Variants in LNX1 observed in about 807,000 individuals in gnomAD.
LNX1 encodes ligand of numb-protein X 1, also known as E3 ubiquitin-protein ligase LNX.
LNX1 carries 54 observed loss-of-function variants against 68.4 expected under a neutral mutation model. The ratio of observed to expected loss-of-function variants is 0.79; its 90% confidence interval spans 0.63 to 0.99. LNX1 has a LOEUF of 0.99. LNX1 is among the 50% of genes least tolerant of loss of function. The pLI is 0.00. For synonymous variants in LNX1, 336 were observed against 350.0 expected (o/e 0.96, Z 0.45); for missense variants, 906 against 926.4 (o/e 0.98, Z 0.29).
At chr4:53,526,128 A>T (rs1275730781) in intron 2 of LNX1, among the ~76,000 whole-genome samples, 1 of 152,190 alleles carries the variant, frequency 6.6e-6, no homozygotes, top group Non-Finnish European at 1.5e-5. Flanking sequence ...TTAAAAAAAG[A>T]TAACATACGC....
chr4:53,574,181 G>T, intron 1 of LNX1, 93 bp from the exon 2 acceptor site: 1 of 970,068 alleles, frequency 1.0e-6, no homozygotes, highest in Non-Finnish European at 1.5e-6. Context: ...AATGCATGGG[G>T]AATTGAGCTA....
At chr4:53,652,205 G>A (rs1160368588) in exon 1 of LNX1, 2 of 152,176 alleles carry the variant, frequency 1.3e-5, no homozygotes, top group African/African-American at 2.4e-5. Context: ...GCTGTGTGAC[G>A]TCTCAGGAGA....
chr4:53,491,271 G>GAGAA (rs1491216049), intron 6 of LNX1, among the ~76,000 whole-genome samples: 2 of 114,824 alleles, frequency 1.7e-5, no homozygotes, highest in Non-Finnish European at 3.5e-5. Flanking sequence ...TTTTCAAAGT[G>GAGAA]AGAAAAAAAA....
upstream of LNX1, among the ~76,000 whole-genome samples, chr4:53,621,924 C>A (rs1255619564): frequency 1.3e-5 from 2 of 151,842 alleles, no homozygotes; most frequent in Non-Finnish European, 2.9e-5. Flanking sequence ...AATAGGCAAT[C>A]CTGTAGGTCT....
chr4:53,558,146 GCT>G, intron 2 of LNX1: 2 of 1,404,560 alleles, frequency 1.4e-6, no homozygotes, highest in Non-Finnish European at 9.3e-7. Context: ...AGAAGATTAT[GCT>G]CTCTGATTCT....
At position 53,481,937 on chromosome 4, in the gene LNX1, T is replaced by C. The variant is rs542146803; in HGVS notation, c.1351-83A>G. ...CCAGGAGCTTACAAAAACATCACTT[T>C]GATTATACCATTTTTTTATGGCAAA... On this transcript the variant is annotated intron_variant, in intron 6 of 10. Transcript: ENST00000263925. The C allele has an allele frequency of 8.5e-5, 120 of 1,414,114 alleles. 1 individual carries two copies. The South Asian group carries it at 1.8e-3, about 21-fold the overall frequency. The allele number at this position is 1,414,114 out of a possible 1,614,324, so 87.6% of individuals were successfully genotyped here. A position where few individuals can be genotyped will look rare whatever the true frequency, so the allele number is the denominator to read the frequency against.
At chr4:53,607,568 A>G (rs1733283838) in intron 2 of LNX1, among the ~76,000 whole-genome samples, 1 of 152,348 alleles carries the variant, frequency 6.6e-6, no homozygotes. Flanking sequence ...TGTTATTCCT[A>G]TCAAACTACT....
rs1341497546 is a variant in LNX1, at chr4:53,460,132, C to G, written c.*775G>C. On this transcript the variant is annotated 3_prime_UTR_variant, in exon 11 of 11. Transcript: ENST00000263925. ...TCTTCATTGTGGCACAAATTTAAATCGCCTCATGACCATGTCTGTGAGCCA... is the reference window on the plus strand; with the variant it reads ...TCTTCATTGTGGCACAAATTTAAATGGCCTCATGACCATGTCTGTGAGCCA... The G allele has an allele frequency of 5.0e-6, 1 of 198,394 alleles. No homozygotes were observed. The highest frequency in any genetic ancestry group is 7.8e-5 in the East Asian group (1 of 12,828). The allele number at this position is 198,394 out of a possible 1,614,324, so 12.3% of individuals were successfully genotyped here.
chr4:53,632,932 C>CTA (rs1443370501), intron 1 of LNX1, among the ~76,000 whole-genome samples: 1 of 152,186 alleles, frequency 6.6e-6, no homozygotes, highest in Non-Finnish European at 1.5e-5. Context: ...AAGATATATC[C>CTA]TATGTACAAG....
chr4:53,626,554 A>T (rs576665355), intron 1 of LNX1, among the ~76,000 whole-genome samples: 1 of 152,352 alleles, frequency 6.6e-6, no homozygotes, highest in East Asian at 1.9e-4. Flanking sequence ...TTTTGAAAAG[A>T]TCACCTGGCT....
chr4:53,632,235 C>T (rs1219773355), intron 1 of LNX1, among the ~76,000 whole-genome samples: 2 of 152,136 alleles, frequency 1.3e-5, no homozygotes, highest in African/African-American at 4.8e-5. Context: ...TTTTCAGGGA[C>T]CACCAGGACA....
At chr4:53,574,927 T>A (rs114294397) in intron 1 of LNX1, among the ~76,000 whole-genome samples, 155 of 152,328 alleles carry the variant, frequency 1.0e-3, no homozygotes, top group African/African-American at 3.6e-3. Flanking sequence ...AGAGCTCCTA[T>A]AAGGGGCCTT....
chr4:53,625,844 C>CTGTGTGT (rs71662240), intron 1 of LNX1, among the ~76,000 whole-genome samples: 1 of 144,166 alleles, frequency 6.9e-6, no homozygotes, highest in Non-Finnish European at 1.5e-5. Context: ...AATTCCACCC[C>CTGTGTGT]GTGTGTGTGT....
Position 53,496,289 on chromosome 4 carries a change from G to A in LNX1, c.1084C>T (p.Arg362Cys), listed in dbSNP as rs149959711. The A allele has an allele frequency of 5.3e-5, 85 of 1,614,108 alleles. No homozygotes were observed. Among genetic ancestry groups the A allele is most frequent in the African/African-American group, 2.4e-4 (18 of 75,028 alleles). ...GGGGCCTGTCCATTGTTCCTGCTGC[G>A]GAACTTCTGTTCACGCATCACAGTC... ...WLTVMREQKF[R>C]SRNNGQAPDA... The change falls in exon 6 of 11, where the codon CGC becomes TGC. Residue 362 changes from arginine (R) to cysteine (C), a missense_variant. Physicochemically the swap from Arg to Cys is radical, Grantham distance 180 (BLOSUM62 -3). Transcript: ENST00000263925.
intron 6 of LNX1, 118 bp from the exon 7 acceptor site, chr4:53,481,972 C>G: frequency 7.8e-7 from 1 of 1,290,024 alleles, no homozygotes; most frequent in Non-Finnish European, 1.0e-6. Context: ...AACATGATTT[C>G]TAGTTTGTTG....
intron 1 of LNX1, among the ~76,000 whole-genome samples, chr4:53,642,465 A>G (rs1734723959): frequency 6.6e-6 from 1 of 152,208 alleles, no homozygotes; most frequent in Non-Finnish European, 1.5e-5. Context: ...TCTCCTGGCC[A>G]TTGACCACTT....
chr4:53,611,416 T>A (rs1413782453), intron 2 of LNX1, among the ~76,000 whole-genome samples: 6 of 152,164 alleles, frequency 3.9e-5, no homozygotes, highest in Non-Finnish European at 8.8e-5. Flanking sequence ...ATGTGTGTGG[T>A]GTGTTTTACT....
chr4:53,575,695 C>G, intron 1 of LNX1: 1 of 1,396,940 alleles, frequency 7.2e-7, no homozygotes, highest in Non-Finnish European at 9.3e-7. Flanking sequence ...GCTGGCTAAT[C>G]AAGGAGGAAG....
chr4:53,515,866 T>A (rs1255997691), intron 2 of LNX1, among the ~76,000 whole-genome samples: 2 of 152,202 alleles, frequency 1.3e-5, no homozygotes, highest in African/African-American at 4.8e-5. Flanking sequence ...CTCTACTGGC[T>A]CTGCAACTTT....
Sources: allele counts gnomAD v4.1 joint callset (sites outside exome capture counted in the v4.1 genomes callset), GRCh38; gene constraint gnomAD v4.1.1; transcripts MANE v1.5; gene names NCBI Gene and HGNC (gene_info 2026-07-23, HGNC 2026-07-21).